Variants in TMEFF2 observed in about 807,000 individuals in gnomAD.
TMEFF2 encodes the protein transmembrane protein with EGF like and two follistatin like domains 2.
In TMEFF2, 28 loss-of-function variants were observed where a neutral mutation model predicts 53.8. The ratio of observed to expected loss-of-function variants is 0.52; its 90% confidence interval spans 0.39 to 0.71. The LOEUF (loss-of-function observed/expected upper bound fraction) is 0.71. TMEFF2 is among the 30% of genes least tolerant of loss of function. TMEFF2 has a pLI of 0.00. For synonymous variants in TMEFF2, 162 were observed against 166.3 expected (o/e 0.97, Z 0.20); for missense variants, 353 against 455.2 (o/e 0.78, Z 2.04).
chr2:191,987,785 C>T (rs1686014855), intron 7 of TMEFF2, among the ~76,000 whole-genome samples: 1 of 152,086 alleles, frequency 6.6e-6, no homozygotes, highest in Non-Finnish European at 1.5e-5. Context: ...CTCTAAAATC[C>T]AAGTGAAATT....
intron 7 of TMEFF2, among the ~76,000 whole-genome samples, chr2:191,958,184 G>C (rs1005995476): frequency 6.6e-6 from 1 of 152,158 alleles, no homozygotes; most frequent in Non-Finnish European, 1.5e-5. Flanking sequence ...GCTGTTTAAA[G>C]GAGACTTTAG....
At chr2:192,105,167 C>T (rs1405345568) in intron 4 of TMEFF2, among the ~76,000 whole-genome samples, 3 of 151,874 alleles carry the variant, frequency 2.0e-5, no homozygotes, top group African/African-American at 7.2e-5. Context: ...TGACACAAAG[C>T]TGTGTTTTTT....
chr2:192,013,291 A>G (rs1686672838), intron 5 of TMEFF2, among the ~76,000 whole-genome samples: 1 of 152,040 alleles, frequency 6.6e-6, no homozygotes, highest in South Asian at 2.1e-4. Context: ...CCAACATGCC[A>G]CATGCTTCTG....
chr2:192,083,823 T>C (rs2356760), intron 4 of TMEFF2, among the ~76,000 whole-genome samples: 61,698 of 151,276 alleles, frequency 0.41, 13,288 homozygotes, highest in African/African-American at 0.54. Flanking sequence ...TCTAAACTTG[T>C]AGGATCTATT....
At chr2:191,984,236 AG>A (rs1160611067) in intron 7 of TMEFF2, among the ~76,000 whole-genome samples, 1 of 152,170 alleles carries the variant, frequency 6.6e-6, no homozygotes, top group Non-Finnish European at 1.5e-5. Flanking sequence ...CTATTGGATT[AG>A]GTGATCAAGA....
intron 7 of TMEFF2, among the ~76,000 whole-genome samples, chr2:191,962,444 A>G (rs752534583): frequency 6.6e-5 from 10 of 152,222 alleles, no homozygotes; most frequent in Non-Finnish European, 1.5e-4. Flanking sequence ...CAAGGCCTTG[A>G]TGACATGATT....
At chr2:192,123,658 G>C (rs1444362901) in intron 4 of TMEFF2, among the ~76,000 whole-genome samples, 1 of 152,160 alleles carries the variant, frequency 6.6e-6, no homozygotes, top group Non-Finnish European at 1.5e-5. Context: ...TTAATGTAAA[G>C]TTTCAACATC....
chr2:191,989,979 C>T (rs1686064977), intron 7 of TMEFF2, among the ~76,000 whole-genome samples: 1 of 152,146 alleles, frequency 6.6e-6, no homozygotes, highest in Non-Finnish European at 1.5e-5. Context: ...ATATTCTACC[C>T]TCCTCCCCTG....
At chr2:192,164,069 A>G (rs559115262) in intron 4 of TMEFF2, among the ~76,000 whole-genome samples, 18 of 152,136 alleles carry the variant, frequency 1.2e-4, no homozygotes, top group Non-Finnish European at 2.6e-4. Flanking sequence ...TGCCTCATCT[A>G]CAATTCATTC....
chr2:192,185,098 T>C (rs1230654412), intron 2 of TMEFF2, among the ~76,000 whole-genome samples: 2 of 152,044 alleles, frequency 1.3e-5, no homozygotes, highest in African/African-American at 4.8e-5. Context: ...ACTATGGAAC[T>C]CAGAGAAAAA....
At chr2:192,190,308 G>T (rs1691431373) in intron 2 of TMEFF2, among the ~76,000 whole-genome samples, 2 of 149,684 alleles carry the variant, frequency 1.3e-5, no homozygotes, top group African/African-American at 4.9e-5. Context: ...CATTGCTTTT[G>T]TCTACCCATG....
chr2:191,955,499 T>C (rs1692046365), intron 8 of TMEFF2, among the ~76,000 whole-genome samples: 2 of 141,874 alleles, frequency 1.4e-5, no homozygotes, highest in African/African-American at 5.1e-5. Context: ...ACAGGTTGCA[T>C]GCCACCGTGC....
In TMEFF2 at chr2:192,079,465, G is replaced by T. The variant is rs4369806; in HGVS notation, c.440-21690C>A. On this transcript the variant is annotated intron_variant, in intron 4 of 9. Coordinates refer to ENST00000272771, the MANE Select transcript of TMEFF2 (RefSeq NM_016192.4). ...TGACTATTTCTCAGAGGACCCAACA[G>T]AATTAAATAATAGAAAAAACATGGA... Among the ~76,000 whole-genome samples, 745 of 152,286 alleles carry T rather than the reference G, an allele frequency of 4.9e-3. 12 individuals carry two copies. Among genetic ancestry groups the T allele is most frequent in the African/African-American group, 0.017 (715 of 41,568 alleles).
intron 2 of TMEFF2, among the ~76,000 whole-genome samples, chr2:192,187,128 A>G (rs1327345187): frequency 6.6e-6 from 1 of 152,202 alleles, no homozygotes; most frequent in Non-Finnish European, 1.5e-5. Context: ...AGCACGCTGT[A>G]AATCATGAAA....
At chr2:191,982,890 T>C (rs184913859) in intron 7 of TMEFF2, among the ~76,000 whole-genome samples, 70 of 152,296 alleles carry the variant, frequency 4.6e-4, no homozygotes, top group Non-Finnish European at 8.2e-4. Flanking sequence ...AGAAATATGG[T>C]GGATTTTATA....
intron 2 of TMEFF2, among the ~76,000 whole-genome samples, chr2:192,189,668 G>C (rs1559165028): frequency 6.6e-6 from 1 of 150,962 alleles, no homozygotes; most frequent in Non-Finnish European, 1.5e-5. Context: ...CTTTTTATCA[G>C]ATACTAGGGC....
intron 4 of TMEFF2, among the ~76,000 whole-genome samples, chr2:192,144,731 G>GT (rs1027218081): frequency 3.3e-5 from 5 of 151,940 alleles, no homozygotes; most frequent in African/African-American, 4.8e-5. Flanking sequence ...CTTTTATTAA[G>GT]TTTTTTATGT....
intron 5 of TMEFF2, among the ~76,000 whole-genome samples, chr2:192,028,413 C>T (rs1186362692): frequency 1.3e-5 from 2 of 152,034 alleles, no homozygotes; most frequent in African/African-American, 2.4e-5. Context: ...GCTTGTTTAT[C>T]ACAGAGAAAG....
rs140145871 is a variant in TMEFF2, at chr2:192,125,974, G to A, written c.439+53694C>T. ...TGTGCAGCAAATGTCCACGGCACAC[G>A]TTTACTTATATAACAAACCCGCACA... On this transcript the variant is annotated intron_variant, in intron 4 of 9. Coordinates refer to ENST00000272771, the MANE Select transcript of TMEFF2 (RefSeq NM_016192.4). Among the ~76,000 whole-genome samples, 561 of 152,172 alleles carry A rather than the reference G, an allele frequency of 3.7e-3. 3 individuals are homozygous for A. The highest frequency in any genetic ancestry group is 9.4e-3 in the Admixed American group (143 of 15,270).
Sources: allele counts gnomAD v4.1 joint callset (sites outside exome capture counted in the v4.1 genomes callset), GRCh38; gene constraint gnomAD v4.1.1; transcripts MANE v1.5; gene names NCBI Gene and HGNC (gene_info 2026-07-23, HGNC 2026-07-21).